Variants in COMMD1 observed in about 807,000 individuals in gnomAD.
The protein encoded by COMMD1 is COMM domain-containing protein 1.
A neutral mutation model predicts 17.2 loss-of-function variants in COMMD1; 10 were observed. That is an observed-to-expected ratio of 0.58 (90% CI 0.36 to 0.99). The LOEUF is 0.99. Ranked by LOEUF, COMMD1 falls within the 50% of genes least tolerant of loss-of-function variation. The probability of loss-of-function intolerance (pLI) is 0.01; values close to 1 mark genes in which losing one functional copy is unlikely to be tolerated. For missense variants in COMMD1, 270 were observed against 231.8 expected (o/e 1.17, Z -1.07); for synonymous variants, 97 against 91.6 (o/e 1.06, Z -0.34).
intron 1 of COMMD1, among the ~76,000 whole-genome samples, chr2:61,923,544 G>A (rs1285363762): frequency 6.6e-6 from 1 of 151,860 alleles, no homozygotes. Flanking sequence ...AGAATAAGGG[G>A]TTCTATATAG....
intron 2 of COMMD1, among the ~76,000 whole-genome samples, chr2:62,055,105 G>T (rs1670655828): frequency 6.6e-6 from 1 of 152,158 alleles, no homozygotes; most frequent in South Asian, 2.1e-4. Context: ...TCAGTGAGTG[G>T]CAAGTGACAA....
At chr2:62,019,689 C>T (rs1669559346) in intron 2 of COMMD1, among the ~76,000 whole-genome samples, 1 of 152,102 alleles carries the variant, frequency 6.6e-6, no homozygotes, top group Non-Finnish European at 1.5e-5. Flanking sequence ...CCATGTTAGG[C>T]GATAGATGCA....
At chr2:61,894,501 T>C (rs1669510102) in intron 1 of COMMD1, among the ~76,000 whole-genome samples, 1 of 151,952 alleles carries the variant, frequency 6.6e-6, no homozygotes, top group Non-Finnish European at 1.5e-5. Flanking sequence ...AATGTATGGG[T>C]TTACAAGAAA....
At chr2:62,041,846 C>G (rs1397646107) in intron 2 of COMMD1, among the ~76,000 whole-genome samples, 1 of 152,182 alleles carries the variant, frequency 6.6e-6, no homozygotes, top group Non-Finnish European at 1.5e-5. Flanking sequence ...AGTCAAGCTG[C>G]AGACTTTTGC....
chr2:62,065,444 C>T (rs1287205138), intron 2 of COMMD1, among the ~76,000 whole-genome samples: 1 of 147,512 alleles, frequency 6.8e-6, no homozygotes, highest in East Asian at 2.0e-4. Context: ...CCATCTCAGC[C>T]TCCTGAGTGG....
intron 1 of COMMD1, among the ~76,000 whole-genome samples, chr2:61,942,932 T>C (rs1227287172): frequency 6.6e-6 from 1 of 152,030 alleles, no homozygotes; most frequent in Non-Finnish European, 1.5e-5. Flanking sequence ...TAAACACATA[T>C]ATATATATAT....
At chr2:61,943,161 C>T (rs1012677034) in intron 1 of COMMD1, among the ~76,000 whole-genome samples, 3 of 152,166 alleles carry the variant, frequency 2.0e-5, no homozygotes, top group African/African-American at 2.4e-5. Flanking sequence ...GACTTTCGAG[C>T]TCTGAATTTT....
chr2:61,922,056 A>C (rs1032206908), intron 1 of COMMD1, among the ~76,000 whole-genome samples: 2 of 152,178 alleles, frequency 1.3e-5, no homozygotes, highest in Non-Finnish European at 2.9e-5. Flanking sequence ...ATACAAGAAA[A>C]ATTGTAGAAA....
intron 1 of COMMD1, among the ~76,000 whole-genome samples, chr2:61,956,652 G>A (rs559807902): frequency 6.6e-6 from 1 of 151,670 alleles, no homozygotes; most frequent in South Asian, 2.1e-4. Context: ...CTCGTGATCC[G>A]TCCATCTTGG....
chr2:61,906,448 T>G (rs1186557224), intron 1 of COMMD1, among the ~76,000 whole-genome samples: 2 of 152,260 alleles, frequency 1.3e-5, no homozygotes, highest in African/African-American at 2.4e-5. Context: ...TCACTTCACA[T>G]GTAATCAATA....
chr2:62,043,831 G>T (rs1017408786), intron 2 of COMMD1, among the ~76,000 whole-genome samples: 1 of 152,106 alleles, frequency 6.6e-6, no homozygotes, highest in Non-Finnish European at 1.5e-5. Flanking sequence ...TGAATTTATC[G>T]TGCTGGTGTT....
intron 2 of COMMD1, among the ~76,000 whole-genome samples, chr2:62,066,221 TC>T (rs1272292769): frequency 6.6e-6 from 1 of 152,124 alleles, no homozygotes; most frequent in Non-Finnish European, 1.5e-5. Flanking sequence ...CCACAGATAC[TC>T]CCTACCCCAC....
intron 2 of COMMD1, among the ~76,000 whole-genome samples, chr2:62,016,776 A>T (rs1381864676): frequency 6.6e-6 from 1 of 152,138 alleles, no homozygotes; most frequent in Non-Finnish European, 1.5e-5. Context: ...CCTATCCAAG[A>T]AGTCATTGCC....
intron 2 of COMMD1, among the ~76,000 whole-genome samples, chr2:62,098,811 C>A (rs188367759): frequency 9.2e-5 from 14 of 152,358 alleles, no homozygotes; most frequent in African/African-American, 3.4e-4. Flanking sequence ...TGTTTCCAAT[C>A]TGCTACTCTA....
chr2:61,895,047 A>C (rs865781328), intron 1 of COMMD1, among the ~76,000 whole-genome samples: 4 of 152,200 alleles, frequency 2.6e-5, no homozygotes, highest in Admixed American at 6.5e-5. Flanking sequence ...AAAATGTAGA[A>C]TGTGAAAAAC....
At chr2:62,026,422 G>C (rs1367934940) in intron 2 of COMMD1, among the ~76,000 whole-genome samples, 1 of 152,158 alleles carries the variant, frequency 6.6e-6, no homozygotes, top group East Asian at 1.9e-4. Context: ...GATCTCTTGA[G>C]AATTCACTCA....
chr2:61,900,397 A>G (rs1187176679), intron 1 of COMMD1, among the ~76,000 whole-genome samples: 1 of 152,256 alleles, frequency 6.6e-6, no homozygotes, highest in Non-Finnish European at 1.5e-5. Flanking sequence ...GTTGAAGATA[A>G]GGATGCTATG....
intron 2 of COMMD1, among the ~76,000 whole-genome samples, chr2:62,006,109 A>G (rs1669107823): frequency 1.4e-5 from 2 of 147,268 alleles, no homozygotes. Context: ...AAAACCAAAC[A>G]CCGCATGTTC....
chr2:61,968,843 C>A, intron 1 of COMMD1: 1 of 195,292 alleles, frequency 5.1e-6, no homozygotes, highest in South Asian at 7.2e-5. Flanking sequence ...CAGGCATGAA[C>A]CACCGTGCCT....
Sources: gnomAD v4.1 joint callset for allele counts (sites outside exome capture counted in the v4.1 genomes callset) on GRCh38, gnomAD v4.1.1 for gene constraint, MANE v1.5 for transcripts, NCBI Gene and HGNC (gene_info 2026-07-23, HGNC 2026-07-21) for gene names.